The following ZBTB43 variants were observed in gnomAD, a reference collection of about 807,000 sequenced individuals.
ZBTB43 encodes zinc finger and BTB domain containing 43.
Under a neutral mutation model 31.1 loss-of-function variants are expected in ZBTB43, and 6 were observed. That is an observed-to-expected ratio of 0.19 (90% CI 0.11 to 0.38). The LOEUF is 0.38. Among genes scored for constraint, ZBTB43 ranks in the 10% least tolerant of loss-of-function variants. The pLI is 1.00. For synonymous variants in ZBTB43, 212 were observed against 221.7 expected (o/e 0.96, Z 0.39); for missense variants, 379 against 602.1 (o/e 0.63, Z 3.88).
chr9:126,819,435 TTA>T (rs2032463398), intron 2 of ZBTB43, among the ~76,000 whole-genome samples: 1 of 152,156 alleles, frequency 6.6e-6, no homozygotes, highest in Non-Finnish European at 1.5e-5. Flanking sequence ...TTCATTATTA[TTA>T]TATCTGTTAT....
intron 1 of ZBTB43, among the ~76,000 whole-genome samples, chr9:126,806,989 C>G (rs2032140253): frequency 6.6e-6 from 1 of 152,034 alleles, no homozygotes; most frequent in Non-Finnish European, 1.5e-5. Context: ...GAAAAATAGC[C>G]CTTTTATTAT....
At chr9:126,823,595 A>G (rs1220616023) in intron 2 of ZBTB43, among the ~76,000 whole-genome samples, 1 of 152,220 alleles carries the variant, frequency 6.6e-6, no homozygotes, top group Non-Finnish European at 1.5e-5. Context: ...CCAGTTACTG[A>G]CAAGGAAAGA....
At chr9:126,812,453 G>A (rs753344472) in intron 2 of ZBTB43, among the ~76,000 whole-genome samples, 10 of 152,098 alleles carry the variant, frequency 6.6e-5, no homozygotes, top group Non-Finnish European at 1.3e-4. Context: ...TTGAATTAAC[G>A]TGGTAACTCT....
intron 2 of ZBTB43, among the ~76,000 whole-genome samples, chr9:126,821,865 AT>A (rs1309662422): frequency 6.6e-6 from 1 of 151,644 alleles, no homozygotes; most frequent in Admixed American, 6.6e-5. Context: ...AAAACATGAG[AT>A]TTTTTTTCTT....
At chr9:126,828,654 A>AATAATAATT (rs1554742744) in intron 2 of ZBTB43, among the ~76,000 whole-genome samples, 1 of 127,742 alleles carries the variant, frequency 7.8e-6, no homozygotes, top group African/African-American at 3.1e-5. Context: ...TAATAATAAT[A>AATAATAATT]ATTATTATTA....
intron 2 of ZBTB43, 48 bp from the exon 3 acceptor site, chr9:126,832,439 A>G (rs2032784161): frequency 6.6e-7 from 1 of 1,512,198 alleles, no homozygotes; most frequent in Non-Finnish European, 8.9e-7. Flanking sequence ...GGATAAAATA[A>G]GTTTATCTTT....
chr9:126,828,649 A>T (rs2032700276), intron 2 of ZBTB43, among the ~76,000 whole-genome samples: 1 of 142,022 alleles, frequency 7.0e-6, no homozygotes, highest in African/African-American at 2.6e-5. Flanking sequence ...AATAATAATA[A>T]TAATAATTAT....
chr9:126,833,068 T>A lies in ZBTB43; in HGVS notation c.559T>A (p.Ser187Thr), dbSNP rs1361658048. 1.2e-6 allele frequency: 2 copies of A among 1,613,970 alleles called. No homozygotes were observed. The highest frequency in any genetic ancestry group is 2.2e-5 in the South Asian group (2 of 91,076). The change falls in exon 3 of 3, where the codon TCC becomes ACC. Residue 187 changes from serine (S) to threonine (T), a missense_variant. Physicochemically the swap from Ser to Thr is moderately conservative, Grantham distance 58. Coordinates refer to ENST00000373464, the MANE Select transcript of ZBTB43 (RefSeq NM_014007.4). The surrounding 1 kb of genome is among the most constrained non-coding windows in gnomAD (Gnocchi z 7.9). ...GGAGAGCACCAAAGACGAGCTGTCA[T>A]CCCAGCTCACCGAGCACGAATACCT... The part of the protein sequence containing the change: ...EEESTKDELS[S>T]QLTEHEYLPS...
intron 2 of ZBTB43, among the ~76,000 whole-genome samples, chr9:126,811,521 AGTT>A (rs1442254064): frequency 6.6e-6 from 1 of 152,238 alleles, no homozygotes; most frequent in African/African-American, 2.4e-5. Context: ...CATAAATAGT[AGTT>A]GCTGTTATTT....
At chr9:126,822,386 C>G (rs2032532567) in intron 2 of ZBTB43, among the ~76,000 whole-genome samples, 1 of 152,120 alleles carries the variant, frequency 6.6e-6, no homozygotes. Context: ...GCATTGCATG[C>G]TACAGAGAAA....
At chr9:126,804,641 C>T (rs1290988974), upstream of ZBTB43, among the ~76,000 whole-genome samples, 1 of 152,072 alleles carries the variant, frequency 6.6e-6, no homozygotes, top group Non-Finnish European at 1.5e-5. Flanking sequence ...CGCGCAACCA[C>T]GCTCAGCTAA....
intron 2 of ZBTB43, among the ~76,000 whole-genome samples, chr9:126,817,913 G>A (rs1253296706): frequency 6.6e-6 from 1 of 152,088 alleles, no homozygotes; most frequent in East Asian, 1.9e-4. Context: ...TTAGCATGTT[G>A]CAGGTCAGAG....
At position 126,834,088 on chromosome 9, in the gene ZBTB43, A is replaced by G. The variant is rs944384578; in HGVS notation, c.*175A>G. ...GCCAATTAAAAAAATCTAATTCCTCAAATTTGTGTGTTCCAGTCCTGGCCT... is the reference window on the plus strand; with the variant it reads ...GCCAATTAAAAAAATCTAATTCCTCGAATTTGTGTGTTCCAGTCCTGGCCT... On this transcript the variant is annotated 3_prime_UTR_variant, in exon 3 of 3. Coordinates refer to ENST00000373464, the MANE Select transcript of ZBTB43 (RefSeq NM_014007.4). 5 of 730,062 alleles carry G rather than the reference A, an allele frequency of 6.8e-6. No individual in the cohort carries two copies. In the African/African-American group the frequency reaches 8.9e-5, roughly 13 times the overall value. The allele number at this position is 730,062 out of a possible 1,614,324, so 45.2% of individuals were successfully genotyped here.
At chr9:126,819,200 C>T (rs1386086116) in intron 2 of ZBTB43, among the ~76,000 whole-genome samples, 1 of 151,424 alleles carries the variant, frequency 6.6e-6, no homozygotes, top group Non-Finnish European at 1.5e-5. Context: ...ATGATCTATC[C>T]TGGAGAATGT....
At chr9:126,820,823 T>A (rs2032491728) in intron 2 of ZBTB43, among the ~76,000 whole-genome samples, 1 of 151,666 alleles carries the variant, frequency 6.6e-6, no homozygotes, top group Admixed American at 6.6e-5. Context: ...AAAAAATTAG[T>A]GAAGCGTGGT....
intron 2 of ZBTB43, among the ~76,000 whole-genome samples, chr9:126,819,694 T>C (rs2032469642): frequency 1.3e-5 from 2 of 152,180 alleles, no homozygotes; most frequent in African/African-American, 4.8e-5. Flanking sequence ...AGGAGTCATA[T>C]GCTTCTTACT....
rs556382258 is a variant in ZBTB43, at chr9:126,836,169, G to A, written c.*2256G>A. 7.2e-5 allele frequency: 12 copies of A among 167,168 alleles called. No homozygotes were observed. The highest frequency in any genetic ancestry group is 1.9e-4 in the African/African-American group (8 of 41,556). 10.4% of individuals were successfully genotyped at this position (167,168 alleles called of 1,614,324 possible). A position where few individuals can be genotyped will look rare whatever the true frequency, so the allele number is the denominator to read the frequency against. ...AAAATACAGATATTCTGGGAGAGTCGTGGTCCTTCAGTTCTGCTGAAATCA... is the reference window on the plus strand; with the variant it reads ...AAAATACAGATATTCTGGGAGAGTCATGGTCCTTCAGTTCTGCTGAAATCA... On this transcript the variant is annotated 3_prime_UTR_variant, in exon 3 of 3. Transcript: ENST00000373464.
chr9:126,808,799 A>G lies in ZBTB43; in HGVS notation c.-140A>G, dbSNP rs1323706959. The G allele has an allele frequency of 3.9e-5, 6 of 152,178 alleles. No individual in the cohort carries two copies. The highest frequency in any genetic ancestry group is 1.9e-4 in the East Asian group (1 of 5,200). 9.4% of individuals were successfully genotyped at this position (152,178 alleles called of 1,614,324 possible). A position where few individuals can be genotyped will look rare whatever the true frequency, so the allele number is the denominator to read the frequency against. ...CTGTTACTCTTCCTTCCAGAAGTCA[A>G]TGTGATTTTAATTTGAAGCAAAACT... On this transcript the variant is annotated 5_prime_UTR_variant, in exon 2 of 3. An upstream start codon of the reference 5' UTR is lost. Coordinates refer to ENST00000373464, the MANE Select transcript of ZBTB43 (RefSeq NM_014007.4).
intron 2 of ZBTB43, among the ~76,000 whole-genome samples, chr9:126,819,777 G>A (rs1305296159): frequency 2.0e-5 from 3 of 152,184 alleles, no homozygotes; most frequent in African/African-American, 7.2e-5. Context: ...CCAAAAGTTA[G>A]ACTTCTTGCT....
Sources: gnomAD v4.1 joint callset for allele counts (sites outside exome capture counted in the v4.1 genomes callset) on GRCh38, gnomAD v4.1.1 for gene constraint, Gnocchi (gnomAD v3.1) non-coding constraint, MANE v1.5 for transcripts, NCBI Gene and HGNC (gene_info 2026-07-23, HGNC 2026-07-21) for gene names.